Variants in MAP3K15 observed in about 807,000 individuals in gnomAD.
MAP3K15 encodes the protein mitogen-activated protein kinase kinase kinase 15.
Under a neutral mutation model 99.5 loss-of-function variants are expected in MAP3K15, and 124 were observed. The observed-to-expected ratio is 1.25, with a 90% CI of 1.08 to 1.45. The LOEUF is 1.45. Ranked by LOEUF, MAP3K15 falls within the 40% of genes most tolerant of loss-of-function variation. MAP3K15 has a pLI of 0.00. For synonymous variants in MAP3K15, 494 were observed against 439.6 expected (o/e 1.12, Z -1.55); for missense variants, 1,242 against 1,079.7 (o/e 1.15, Z -2.11).
chrX:19,395,557 C>T (rs908679186), intron 15 of MAP3K15, among the ~76,000 whole-genome samples: 3 of 111,738 alleles, frequency 2.7e-5, no homozygotes, highest in African/African-American at 9.8e-5. Context: ...CTTCCTCTGC[C>T]TCCCATGAAG....
chrX:19,409,821 A>G (rs776463905), intron 12 of MAP3K15, 103 bp downstream of exon 12: 2 of 675,581 alleles, frequency 3.0e-6, no homozygotes. Context: ...TCCATTAAAA[A>G]TAAGAACATT....
chrX:19,439,863 G>A (rs1170388968), intron 6 of MAP3K15, among the ~76,000 whole-genome samples: 1 of 111,983 alleles, frequency 8.9e-6, no homozygotes, highest in Non-Finnish European at 1.9e-5. Flanking sequence ...GCAATCACTG[G>A]GGTCTGCCCT....
chrX:19,399,092 G>C (rs1292334122), intron 14 of MAP3K15, among the ~76,000 whole-genome samples: 1 of 111,930 alleles, frequency 8.9e-6, no homozygotes, highest in East Asian at 2.8e-4. Context: ...ATAGTCGGCG[G>C]GTATGTGGGT....
At chrX:19,486,628 C>G (rs1004542763) in intron 2 of MAP3K15, 123 bp from the exon 3 acceptor site, 37 of 283,792 alleles carry the variant, frequency 1.3e-4, no homozygotes, top group Non-Finnish European at 2.1e-4. Flanking sequence ...ATAAAAGCAC[C>G]CACCTTAGAG....
intron 6 of MAP3K15, among the ~76,000 whole-genome samples, chrX:19,437,307 G>A (rs1015619897): frequency 1.8e-5 from 2 of 111,303 alleles, no homozygotes; most frequent in Non-Finnish European, 3.8e-5. Flanking sequence ...GTCATCCTTC[G>A]ACTCAAAACT....
intron 6 of MAP3K15, among the ~76,000 whole-genome samples, chrX:19,437,105 C>T (rs771540148): frequency 1.8e-5 from 2 of 112,056 alleles, no homozygotes; most frequent in African/African-American, 3.2e-5. Context: ...GTTCCTCTAA[C>T]ACCATTTATT....
intron 3 of MAP3K15, among the ~76,000 whole-genome samples, chrX:19,485,350 A>G (rs1235863257): frequency 1.1e-5 from 1 of 94,362 alleles, no homozygotes; most frequent in Non-Finnish European, 2.1e-5. Context: ...GTCAAGCTCT[A>G]GGAAGAACAG....
chrX:19,481,470 G>T (rs974173002), intron 3 of MAP3K15, among the ~76,000 whole-genome samples: 4 of 110,925 alleles, frequency 3.6e-5, no homozygotes, highest in Non-Finnish European at 7.6e-5. Flanking sequence ...ACCTTGGTTT[G>T]GGCTAAGAGT....
At chrX:19,363,645 ATTTTGT>A (rs1165520989) in intron 25 of MAP3K15, among the ~76,000 whole-genome samples, 11 of 106,264 alleles carry the variant, frequency 1.0e-4, no homozygotes, top group African/African-American at 3.5e-4. Context: ...CCTGCTTCTT[ATTTTGT>A]TTTTGTTTTT....
chrX:19,413,530 G>C, intron 10 of MAP3K15, 66 bp from the exon 11 acceptor site: 1 of 804,060 alleles, frequency 1.2e-6, no homozygotes, highest in Non-Finnish European at 1.8e-6. Context: ...TGCCCAGCGA[G>C]GAGGCGGGGA....
At chrX:19,435,952 G>A (rs1172904635) in intron 6 of MAP3K15, among the ~76,000 whole-genome samples, 15 of 111,516 alleles carry the variant, frequency 1.3e-4, no homozygotes, top group Non-Finnish European at 2.6e-4. Flanking sequence ...TCAGGAGTTC[G>A]AGACCAGCCT....
intron 6 of MAP3K15, among the ~76,000 whole-genome samples, chrX:19,445,777 T>C (rs1018225376): frequency 9.4e-6 from 1 of 106,928 alleles, no homozygotes; most frequent in African/African-American, 3.4e-5. Context: ...CGAAAGCCAA[T>C]ATCTACTAAA....
At chrX:19,465,830 G>GGT (rs10589040) in intron 3 of MAP3K15, among the ~76,000 whole-genome samples, 47,560 of 93,515 alleles carry the variant, frequency 0.51, 10,974 homozygotes, top group East Asian at 0.71. Flanking sequence ...GGTGTGTAGG[G>GGT]GTGTGTGTGT....
intron 19 of MAP3K15, chrX:19,376,660 A>T (rs893748534): frequency 1.8e-5 from 2 of 109,917 alleles, no homozygotes; most frequent in Non-Finnish European, 3.8e-5. Context: ...GCCCCGGGGG[A>T]TCTTGAACTC....
In MAP3K15 at chrX:19,370,949, G is replaced by C; in HGVS notation, c.3400+10C>G. 8.6e-7 allele frequency: 1 copy of C among 1,166,852 alleles called. No homozygotes were observed. Among genetic ancestry groups the C allele is most frequent in the Non-Finnish European group, 1.2e-6 (1 of 863,392 alleles). On this transcript the variant is annotated intron_variant, in intron 24 of 28. Transcript: ENST00000338883. ...CTAAAGCTGACCTTGACCACAAAGGGGGCGCTCACCTGGGATGAGAATGGT... is the reference window on the plus strand; with the variant it reads ...CTAAAGCTGACCTTGACCACAAAGGCGGCGCTCACCTGGGATGAGAATGGT...
At chrX:19,379,756 G>T (rs1438604867) in intron 19 of MAP3K15, among the ~76,000 whole-genome samples, 1 of 111,287 alleles carries the variant, frequency 9.0e-6, no homozygotes, top group Non-Finnish European at 1.9e-5. Context: ...TTTTCCTTTG[G>T]ATGAAGCCAA....
At position 19,373,560 on chromosome X, in the gene MAP3K15, C is replaced by T. The variant is rs751918645; in HGVS notation, c.2909G>A (p.Arg970Lys). The change falls in exon 21 of 29, where the codon AGG becomes AAG. Residue 970 changes from arginine to lysine, a missense_variant. Transcript: ENST00000338883. ...DALFERTRAP[R>K]HHLGHLLSVP... ...CCTGAGGAGGTGGCCAAGGTGGTGC[C>T]TGGGCGCCCGGGTCCTCTCAAAGAG... 1.8e-5 allele frequency: 21 copies of T among 1,172,624 alleles called. No individual in the cohort carries two copies. Among genetic ancestry groups the T allele is most frequent in the Non-Finnish European group, 2.2e-5 (19 of 875,611 alleles).
At chrX:19,501,143 G>A (rs985173706) in intron 1 of MAP3K15, among the ~76,000 whole-genome samples, 1 of 111,494 alleles carries the variant, frequency 9.0e-6, no homozygotes, top group African/African-American at 3.3e-5. Context: ...ATGGACTTCT[G>A]CAGCCGGGGG....
At chrX:19,503,375 C>T (rs2064453790) in intron 1 of MAP3K15, among the ~76,000 whole-genome samples, 1 of 112,032 alleles carries the variant, frequency 8.9e-6, no homozygotes, top group African/African-American at 3.2e-5. Context: ...GGTCCATCTT[C>T]CTCTGAACTT....
Sources: gnomAD v4.1 joint callset for allele counts (sites outside exome capture counted in the v4.1 genomes callset) on GRCh38, gnomAD v4.1.1 for gene constraint, MANE v1.5 for transcripts, NCBI Gene and HGNC (gene_info 2026-07-23, HGNC 2026-07-21) for gene names.